The following FBLN2 variants were observed in gnomAD, a reference collection of about 807,000 sequenced individuals.
The protein encoded by FBLN2 is fibulin 2.
Under a neutral mutation model 123.7 loss-of-function variants are expected in FBLN2, and 81 were observed. The observed-to-expected ratio is 0.65, with a 90% CI of 0.55 to 0.79. The LOEUF (loss-of-function observed/expected upper bound fraction) is 0.79, where lower values mean the gene tolerates loss of function less well. Among genes scored for constraint, FBLN2 ranks in the 30% least tolerant of loss-of-function variants. The probability of loss-of-function intolerance (pLI) is 0.00; values close to 1 mark genes in which losing one functional copy is unlikely to be tolerated. For synonymous variants in FBLN2, 699 were observed against 701.4 expected (o/e 1.00, Z 0.05); for missense variants, 1,603 against 1,681.3 (o/e 0.95, Z 0.81).
At chr3:13,599,787 GA>G in intron 2 of FBLN2, among the ~76,000 whole-genome samples, 2 of 151,776 alleles carry the variant, frequency 1.3e-5, no homozygotes, top group East Asian at 3.9e-4. Flanking sequence ...GGTGGCTTGG[GA>G]AAATCCGGAG....
At chr3:13,561,711 C>G (rs1017454647) in intron 1 of FBLN2, among the ~76,000 whole-genome samples, 4 of 152,232 alleles carry the variant, frequency 2.6e-5, no homozygotes, top group Non-Finnish European at 4.4e-5. Flanking sequence ...CTCTTCCCCC[C>G]ATCAGAACAT....
chr3:13,611,094 A>T (rs1021395872), intron 4 of FBLN2, among the ~76,000 whole-genome samples: 8 of 151,778 alleles, frequency 5.3e-5, no homozygotes, highest in Non-Finnish European at 8.8e-5. Flanking sequence ...TTTTTAGTAG[A>T]GCATACGCCA....
chr3:13,562,704 G>A (rs545387219), intron 1 of FBLN2, among the ~76,000 whole-genome samples: 44 of 152,240 alleles, frequency 2.9e-4, no homozygotes, highest in Non-Finnish European at 5.3e-4. Context: ...GGAAGTTCAC[G>A]TTGTGCAGCC....
chr3:13,549,168 C>T lies in FBLN2; in HGVS notation c.-82C>T, dbSNP rs1033394013. 1.0e-6 allele frequency: 1 copy of T among 983,072 alleles called. No homozygotes were observed. Among genetic ancestry groups the T allele is most frequent in the African/African-American group, 1.8e-5 (1 of 57,044 alleles). The allele number at this position is 983,072 out of a possible 1,614,324, so 60.9% of individuals were successfully genotyped here. A position where few individuals can be genotyped will look rare whatever the true frequency, so the allele number is the denominator to read the frequency against. On this transcript the variant is annotated 5_prime_UTR_variant, in exon 1 of 18. Transcript: ENST00000404922. ...CCCGGGCTCTCGACGCGCCGACGGC[C>T]GGGCGGACGGACGGACGGACGCCGA...
intron 2 of FBLN2, among the ~76,000 whole-genome samples, chr3:13,607,592 G>A (rs986012886): frequency 4.6e-5 from 7 of 152,160 alleles, no homozygotes; most frequent in African/African-American, 1.2e-4. Context: ...TGCTGTTTTC[G>A]TATCTCTTGC....
intron 5 of FBLN2, among the ~76,000 whole-genome samples, chr3:13,615,176 G>A (rs1190822867): frequency 6.6e-6 from 1 of 152,240 alleles, no homozygotes; most frequent in African/African-American, 2.4e-5. Flanking sequence ...TGGTGGGTCT[G>A]CAGGAGCCTG....
In FBLN2 at chr3:13,629,280, C is replaced by G. The variant is rs752560087; in HGVS notation, c.2830C>G (p.Arg944Gly). 3 of 1,609,144 alleles carry G rather than the reference C, an allele frequency of 1.9e-6. No individual in the cohort carries two copies. The highest frequency in any genetic ancestry group is 2.5e-6 in the Non-Finnish European group (3 of 1,178,642). Residue 944 changes from arginine to glycine, a missense_variant, in exon 13 of 18, where the codon CGG (arginine) becomes GGG (glycine). Coordinates refer to ENST00000404922, the MANE Select transcript of FBLN2 (RefSeq NM_001004019.2). ...KAGFQRDAFG[R>G]GCIDVNECWA... ...CGGCTTTCAGCGGGATGCCTTTGGC[C>G]GGGGCTGCATCGGTAGGTAGGCTGG...
intron 12 of FBLN2, 28 bp from the exon 13 acceptor site, chr3:13,629,136 C>T: frequency 6.2e-7 from 1 of 1,612,776 alleles, no homozygotes; most frequent in Middle Eastern, 1.7e-4. Context: ...AGCCCCAGGC[C>T]TCAAGGTACC....
chr3:13,578,781 G>A (rs1027562788), intron 2 of FBLN2, among the ~76,000 whole-genome samples: 1 of 152,226 alleles, frequency 6.6e-6, no homozygotes, highest in African/African-American at 2.4e-5. Flanking sequence ...GAGGCCGGGT[G>A]TGGTGGCTCA....
rs1260536767 is a variant in FBLN2, at chr3:13,629,040, A to C, written c.2705A>C (p.Lys902Thr). The C allele has an allele frequency of 1.2e-6, 2 of 1,613,136 alleles. No homozygotes were observed. Among genetic ancestry groups the C allele is most frequent in the East Asian group, 4.5e-5 (2 of 44,846 alleles). Residue 902 changes from lysine (K) to threonine (T), a missense_variant, in exon 12 of 18, where the codon AAG becomes ACG. Lys to Thr is a moderately conservative substitution (Grantham distance 78). Coordinates refer to ENST00000404922, the MANE Select transcript of FBLN2 (RefSeq NM_001004019.2). ...RGYHASDDGT[K>T]CVDVNECETG... is the part of the protein sequence containing the mutation. The stretch of plus-strand genomic sequence containing the variant: ...TACCACGCCAGCGATGATGGGACCA[A>C]GTGTGTGGGTAAGGCCAGCCGCCTC...
intron 2 of FBLN2, among the ~76,000 whole-genome samples, chr3:13,588,289 G>A (rs114541288): frequency 5.8e-4 from 88 of 152,340 alleles, no homozygotes; most frequent in African/African-American, 2.0e-3. Context: ...CAGGTGTGTA[G>A]TAGTCTATGA....
intron 2 of FBLN2, among the ~76,000 whole-genome samples, chr3:13,573,692 T>G (rs930561318): frequency 6.6e-6 from 1 of 151,682 alleles, no homozygotes. Context: ...TCACCAGAGG[T>G]CAGGAGTTCG....
intron 9 of FBLN2, among the ~76,000 whole-genome samples, chr3:13,623,616 T>C (rs1483335135): frequency 2.0e-5 from 3 of 152,212 alleles, no homozygotes; most frequent in Non-Finnish European, 4.4e-5. Context: ...TCTGCACTTG[T>C]TTATTAACCC....
At position 13,585,604 on chromosome 3, in the gene FBLN2, A is replaced by G. The variant is rs866887773; in HGVS notation, c.1306+13943A>G. On this transcript the variant is annotated intron_variant, in intron 2 of 17. Coordinates refer to ENST00000404922, the MANE Select transcript of FBLN2 (RefSeq NM_001004019.2). ...GTTTGTGGTGATGCTGGTATAAGCAAACCTACCGCACTGCCAGTAATACAA... is the reference window on the plus strand; with the variant it reads ...GTTTGTGGTGATGCTGGTATAAGCAGACCTACCGCACTGCCAGTAATACAA... Among the ~76,000 whole-genome samples the G allele has an allele frequency of 5.3e-5, 8 of 152,294 alleles. No homozygotes were observed. The Middle Eastern group carries it at 0.014, about 259-fold the overall frequency.
intron 1 of FBLN2, among the ~76,000 whole-genome samples, chr3:13,568,580 C>T (rs1703819589): frequency 6.6e-6 from 1 of 152,206 alleles, no homozygotes; most frequent in South Asian, 2.1e-4. Flanking sequence ...GTGGCTCAGC[C>T]CTGGGGGCCC....
intron 5 of FBLN2, 79 bp from the exon 6 acceptor site, chr3:13,617,997 C>T: frequency 1.5e-6 from 2 of 1,303,008 alleles, no homozygotes; most frequent in South Asian, 1.3e-5. Context: ...AGGACCTGCA[C>T]TAGTTTCCCA....
chr3:13,618,085 C>T lies in FBLN2; in HGVS notation c.1739C>T (p.Ala580Val). 6.2e-7 allele frequency: 1 copy of T among 1,613,112 alleles called. No homozygotes were observed. Among genetic ancestry groups the T allele is most frequent in the Non-Finnish European group, 8.5e-7 (1 of 1,179,874 alleles). ...CTAACCCCTGTCCTAGTTTCAGAGG[C>T]AGAGATGGCGGGCCGAGAGGCCCTG... ...PAAAPRRVSE[A>V]EMAGREALSL... The change falls in exon 6 of 18, where the codon GCA becomes GTA. Residue 580 changes from alanine to valine, a missense_variant. Ala to Val is a moderately conservative substitution (Grantham distance 64, BLOSUM62 0). Transcript: ENST00000404922.
At chr3:13,569,720 T>C (rs1703862068) in intron 1 of FBLN2, among the ~76,000 whole-genome samples, 1 of 151,934 alleles carries the variant, frequency 6.6e-6, no homozygotes, top group Admixed American at 6.6e-5. Context: ...GGGGGCGTCT[T>C]GTTCTTGCCT....
intron 2 of FBLN2, among the ~76,000 whole-genome samples, chr3:13,577,679 T>C (rs1211830205): frequency 6.6e-6 from 1 of 152,208 alleles, no homozygotes; most frequent in Admixed American, 6.5e-5. Context: ...AGAGCACAGC[T>C]GTGCATAGAG....
Sources: gnomAD v4.1 joint callset for allele counts (sites outside exome capture counted in the v4.1 genomes callset) on GRCh38, gnomAD v4.1.1 for gene constraint, MANE v1.5 for transcripts, NCBI Gene and HGNC (gene_info 2026-07-23, HGNC 2026-07-21) for gene names.